The following MBP variants were observed in gnomAD, a reference collection of about 807,000 sequenced individuals.
MBP encodes myelin basic protein.
In MBP, 16 loss-of-function variants were observed where a neutral mutation model predicts 35.8. That is an observed-to-expected ratio of 0.45 (90% confidence interval 0.30 to 0.68). The LOEUF is 0.68. MBP is among the 30% of genes least tolerant of loss of function. The probability of loss-of-function intolerance (pLI) is 0.08; values close to 1 mark genes in which losing one functional copy is unlikely to be tolerated. For missense variants in MBP, 380 were observed against 404.7 expected, an observed-to-expected ratio of 0.94 and a Z score of 0.52; for synonymous variants, 143 against 159.6, an observed-to-expected ratio of 0.90 and a Z score of 0.78.
In MBP at chr18:76,986,390, G is replaced by T. The variant is rs1012163455; in HGVS notation, c.751-1496C>A. 3.0e-6 allele frequency: 3 copies of T among 985,414 alleles called. No individual in the cohort carries two copies. In the African/African-American group the frequency reaches 5.2e-5, roughly 17 times the overall value. The allele number at this position is 985,414 out of a possible 1,614,324, so 61.0% of individuals were successfully genotyped here. A position where few individuals can be genotyped will look rare whatever the true frequency, so the allele number is the denominator to read the frequency against. ...CCTAGCCCATCTCTTATTTAGAGGT[G>T]AGGAAGATGACACCAGAGGCCTCAA... On this transcript the variant is annotated intron_variant, in intron 7 of 8. Coordinates refer to ENST00000355994, the MANE Select transcript of MBP (RefSeq NM_001025101.2).
At chr18:77,052,169 G>A (rs1479046036) in intron 3 of MBP, among the ~76,000 whole-genome samples, 3 of 152,130 alleles carry the variant, frequency 2.0e-5, no homozygotes, top group African/African-American at 2.4e-5. Context: ...GGAGCGGGGC[G>A]ATCCAACAGC....
intron 2 of MBP, among the ~76,000 whole-genome samples, chr18:77,098,758 G>T (rs1391032054): frequency 6.6e-6 from 1 of 152,226 alleles, no homozygotes; most frequent in Non-Finnish European, 1.5e-5. Flanking sequence ...GTGGGACGTG[G>T]GGCTGGATGC....
chr18:76,987,339 C>T (rs1001133009), intron 7 of MBP: 63 of 985,376 alleles, frequency 6.4e-5, no homozygotes, highest in Non-Finnish European at 7.1e-5. Context: ...ACATTTGCTA[C>T]ATGATTGTCA....
chr18:77,037,178 G>A (rs1049805688), intron 3 of MBP, among the ~76,000 whole-genome samples: 3 of 148,294 alleles, frequency 2.0e-5, no homozygotes, highest in Non-Finnish European at 4.5e-5. Flanking sequence ...AGCTGAGCAA[G>A]TGCTGGTCAC....
rs749744681 is a variant in MBP, at chr18:77,044,942, AGT to A, written c.139+21354_139+21355del. Among the ~76,000 whole-genome samples, 3 of 125,018 alleles carry A rather than the reference AGT, an allele frequency of 2.4e-5. No individual in the cohort carries two copies. The highest frequency in any genetic ancestry group is 5.2e-5 in the Non-Finnish European group (3 of 57,940). 82.0% of individuals were successfully genotyped at this position (125,018 alleles called of 152,430 possible). A position where few individuals can be genotyped will look rare whatever the true frequency, so the allele number is the denominator to read the frequency against. ...AAATGTGAGTCTGTGAGAGAACATG[AGT>A]GTGTGTGTGTAAGTGTGGTGTGTGA... is the stretch of plus-strand genomic sequence containing the variant. On this transcript the variant is annotated intron_variant, in intron 3 of 8. Coordinates refer to ENST00000355994, the MANE Select transcript of MBP (RefSeq NM_001025101.2). This position sits in a 1 kb window ranked among gnomAD's most constrained non-coding sequence, Gnocchi z 4.4.
intron 4 of MBP, among the ~76,000 whole-genome samples, chr18:77,009,139 A>T (rs1971174760): frequency 6.6e-6 from 1 of 152,182 alleles, no homozygotes; most frequent in African/African-American, 2.4e-5. Context: ...GACCGCTCCT[A>T]GTGTGCAAAC....
At chr18:77,087,259 G>A (rs964503711) in intron 2 of MBP, 3 of 140,588 alleles carry the variant, frequency 2.1e-5, no homozygotes, top group Admixed American at 7.9e-5. Context: ...GGAGCCTGGC[G>A]GGGAGGAACA....
rs1404985388 is a variant in MBP, at chr18:76,993,566, A to AC, written c.577-3507_577-3506insG. On this transcript the variant is annotated intron_variant, in intron 4 of 8. Coordinates refer to ENST00000355994, the MANE Select transcript of MBP (RefSeq NM_001025101.2). ...CTTTGTCTCCAAAAAAAAAAAAAAAAAACAAAAGATCCCATTTTATCCCTT... is the reference window on the plus strand; with the variant it reads ...CTTTGTCTCCAAAAAAAAAAAAAAAACAACAAAAGATCCCATTTTATCCCTT... 3.6e-3 allele frequency among the ~76,000 whole-genome samples: 544 copies of AC among 149,552 alleles called. 5 individuals carry two copies. Among genetic ancestry groups the AC allele is most frequent in the East Asian group, 7.9e-3 (40 of 5,080 alleles).
chr18:76,989,514 A>C lies in MBP; in HGVS notation c.681+442T>G, dbSNP rs891490047. On this transcript the variant is annotated intron_variant, in intron 5 of 8. Coordinates refer to ENST00000355994, the MANE Select transcript of MBP (RefSeq NM_001025101.2). This position sits in a 1 kb window ranked among gnomAD's most constrained non-coding sequence, Gnocchi z 4.0. ...CCTTAGGGCTCTCTCGGTGCTGTGC[A>C]CGCTGTGGGTTTGGACAAGTGCGTG... Among the ~76,000 whole-genome samples, 5 of 152,084 alleles carry C rather than the reference A, an allele frequency of 3.3e-5. No homozygotes were observed. Among genetic ancestry groups the C allele is most frequent in the African/African-American group, 7.2e-5 (3 of 41,398 alleles).
At chr18:77,133,308 G>A (rs985391147), upstream of MBP, among the ~76,000 whole-genome samples, 1 of 152,184 alleles carries the variant, frequency 6.6e-6, no homozygotes, top group Non-Finnish European at 1.5e-5. Flanking sequence ...TGTCCGGCTG[G>A]CAGGTGCTCC....
intron 1 of MBP, among the ~76,000 whole-genome samples, chr18:77,125,888 C>A (rs200040277): frequency 1.4e-4 from 21 of 147,514 alleles, no homozygotes; most frequent in South Asian, 2.1e-4. Flanking sequence ...TTCAAGAAAC[C>A]AAAAAAAAAA....
intron 1 of MBP, among the ~76,000 whole-genome samples, chr18:77,122,913 C>T (rs1043293361): frequency 5.3e-5 from 8 of 152,318 alleles, no homozygotes; most frequent in African/African-American, 7.2e-5. Flanking sequence ...ACTCCTCTAC[C>T]GAGCACAACC....
Position 77,066,458 on chromosome 18 carries a change from T to G in MBP, c.52-73A>C. The G allele has an allele frequency of 5.3e-6, 5 of 948,224 alleles. No individual in the cohort carries two copies. The Admixed American group carries it at 8.7e-5, about 16-fold the overall frequency. The allele number at this position is 948,224 out of a possible 1,614,324, so 58.7% of individuals were successfully genotyped here. ...TATCAACAAAATAATTGTAATGCAT[T>G]TGTCTCTTTATAAATTTTTTATCAG... On this transcript the variant is annotated intron_variant, in intron 2 of 8. Coordinates refer to ENST00000355994, the MANE Select transcript of MBP (RefSeq NM_001025101.2).
chr18:76,981,477 A>G (rs1229176535), intron 8 of MBP: 2 of 152,264 alleles, frequency 1.3e-5, no homozygotes, highest in Non-Finnish European at 2.9e-5. Context: ...CGCAGCTAAC[A>G]GACCAAGGTG....
chr18:77,123,998 C>G (rs990851016), intron 1 of MBP, among the ~76,000 whole-genome samples: 4 of 152,168 alleles, frequency 2.6e-5, no homozygotes, highest in African/African-American at 9.7e-5. Flanking sequence ...TGAGCTCCAT[C>G]CCTTCCCAGC....
intron 2 of MBP, among the ~76,000 whole-genome samples, chr18:77,069,807 C>T (rs2144831484): frequency 6.6e-6 from 1 of 152,326 alleles, no homozygotes; most frequent in South Asian, 2.1e-4. Context: ...GGTGCGTCCA[C>T]TCTGTTTATC....
chr18:77,066,113 T>C, intron 3 of MBP, 185 bp downstream of exon 3: 1 of 590,714 alleles, frequency 1.7e-6, no homozygotes. Context: ...TCCTCTTGCA[T>C]AGACCCCATG....
At chr18:77,050,543 T>C (rs1165648555) in intron 3 of MBP, among the ~76,000 whole-genome samples, 1 of 152,216 alleles carries the variant, frequency 6.6e-6, no homozygotes, top group Admixed American at 6.5e-5. Context: ...TGAAATGTTC[T>C]ATTAATTAAT....
chr18:77,015,325 C>T (rs1971564445), intron 4 of MBP: 4 of 985,326 alleles, frequency 4.1e-6, no homozygotes, highest in Non-Finnish European at 4.8e-6. Flanking sequence ...ACTGGTGATG[C>T]TGTATGCGTG....
Sources: gnomAD v4.1 joint callset for allele counts (sites outside exome capture counted in the v4.1 genomes callset) on GRCh38, gnomAD v4.1.1 for gene constraint, Gnocchi (gnomAD v3.1) non-coding constraint, MANE v1.5 for transcripts, NCBI Gene and HGNC (gene_info 2026-07-23, HGNC 2026-07-21) for gene names.